Variants in GPC5 observed in about 807,000 individuals in gnomAD.
GPC5 encodes glypican-5.
In GPC5, 47 loss-of-function variants were observed where a neutral mutation model predicts 53.9. The observed-to-expected ratio is 0.87, with a 90% CI of 0.69 to 1.11. GPC5 has a LOEUF of 1.11. GPC5 is among the 50% of genes most tolerant of loss of function. The pLI, the probability that GPC5 is intolerant of heterozygous loss-of-function variation, is 0.00. For missense variants in GPC5, 748 were observed against 713.1 expected (o/e 1.05, Z -0.56); for synonymous variants, 286 against 263.3 (o/e 1.09, Z -0.84).
intron 2 of GPC5, among the ~76,000 whole-genome samples, chr13:91,617,027 C>A (rs2033714689): frequency 6.6e-6 from 1 of 152,112 alleles, no homozygotes; most frequent in Non-Finnish European, 1.5e-5. Context: ...ACAGTCAAGT[C>A]AGATCAACTG....
chr13:92,265,206 A>G (rs1216043747), intron 7 of GPC5, among the ~76,000 whole-genome samples: 2 of 152,076 alleles, frequency 1.3e-5, no homozygotes, highest in Non-Finnish European at 2.9e-5. Context: ...AAAATTCTTT[A>G]TATGGCCAGG....
At chr13:91,953,830 A>G (rs529965847) in intron 6 of GPC5, among the ~76,000 whole-genome samples, 1 of 152,296 alleles carries the variant, frequency 6.6e-6, no homozygotes. Context: ...AACCACAATT[A>G]TAAGAGCTCT....
chr13:91,413,198 C>T (rs769678298), intron 1 of GPC5, among the ~76,000 whole-genome samples: 3 of 152,132 alleles, frequency 2.0e-5, no homozygotes, highest in Non-Finnish European at 2.9e-5. Context: ...GGAGGATAGC[C>T]TGAGCCCAGG....
intron 7 of GPC5, among the ~76,000 whole-genome samples, chr13:92,843,729 G>C (rs568233468): frequency 1.3e-5 from 2 of 152,098 alleles, no homozygotes; most frequent in Admixed American, 6.6e-5. Flanking sequence ...GCATGACATT[G>C]TCTTTGTCCT....
chr13:92,685,545 T>TTTTTTTTTTTTTAA (rs1555302910), intron 7 of GPC5, among the ~76,000 whole-genome samples: 54 of 14,986 alleles, frequency 3.6e-3, no homozygotes, highest in East Asian at 0.034. Flanking sequence ...ATTATGCTCA[T>TTTTTTTTTTTTTAA]TTTTTTTTTT....
chr13:91,639,666 T>C (rs374259602), intron 2 of GPC5, among the ~76,000 whole-genome samples: 112 of 142,918 alleles, frequency 7.8e-4, no homozygotes, highest in African/African-American at 2.8e-3. Context: ...TAAAATAGAG[T>C]CATTCTGACG....
intron 5 of GPC5, among the ~76,000 whole-genome samples, chr13:91,791,076 T>A (rs1361315368): frequency 6.6e-6 from 1 of 152,234 alleles, no homozygotes; most frequent in East Asian, 1.9e-4. Flanking sequence ...CACAAGGTAC[T>A]CACTTCTTGG....
intron 7 of GPC5, among the ~76,000 whole-genome samples, chr13:92,471,182 G>C (rs1878896963): frequency 6.6e-6 from 1 of 152,142 alleles, no homozygotes; most frequent in African/African-American, 2.4e-5. Flanking sequence ...GGGAGGGTCA[G>C]AAACAGGTAC....
At chr13:92,424,442 C>G (rs930243908) in intron 7 of GPC5, among the ~76,000 whole-genome samples, 1 of 151,890 alleles carries the variant, frequency 6.6e-6, no homozygotes, top group East Asian at 1.9e-4. Context: ...TTTTTTAACT[C>G]ATTAAAAAAG....
At chr13:92,364,296 T>G (rs2043591061) in intron 7 of GPC5, among the ~76,000 whole-genome samples, 1 of 151,740 alleles carries the variant, frequency 6.6e-6, no homozygotes, top group Non-Finnish European at 1.5e-5. Context: ...CAATGGCAAT[T>G]GAATTATTTC....
At chr13:92,500,947 A>G (rs1880160637) in intron 7 of GPC5, among the ~76,000 whole-genome samples, 1 of 152,180 alleles carries the variant, frequency 6.6e-6, no homozygotes, top group South Asian at 2.1e-4. Flanking sequence ...AAACCTAGTC[A>G]AATCTAGTGG....
chr13:92,347,892 T>A lies in GPC5; in HGVS notation c.1561+202903T>A, dbSNP rs12865841. ...TATATATAATATATATTATATATAT[T>A]ATATATATAATATATATATAATATA... On this transcript the variant is annotated intron_variant, in intron 7 of 7. Coordinates refer to ENST00000377067, the MANE Select transcript of GPC5 (RefSeq NM_004466.6). 7.6e-3 allele frequency among the ~76,000 whole-genome samples: 101 copies of A among 13,354 alleles called. 4 individuals carry two copies. The highest frequency in any genetic ancestry group is 0.014 in the African/African-American group (16 of 1,128). 8.8% of individuals were successfully genotyped at this position (13,354 alleles called of 152,430 possible). A position where few individuals can be genotyped will look rare whatever the true frequency, so the allele number is the denominator to read the frequency against.
intron 5 of GPC5, among the ~76,000 whole-genome samples, chr13:91,825,988 G>C (rs971584156): frequency 5.9e-5 from 9 of 152,182 alleles, no homozygotes; most frequent in Admixed American, 3.9e-4. Flanking sequence ...TCTAGCTGCT[G>C]TCCACCACCA....
intron 5 of GPC5, among the ~76,000 whole-genome samples, chr13:91,834,208 A>C (rs1422642504): frequency 6.6e-6 from 1 of 152,198 alleles, no homozygotes; most frequent in Non-Finnish European, 1.5e-5. Context: ...GGAACTCTTC[A>C]AGGAGAATTA....
chr13:92,361,408 AG>A (rs1377175629), intron 7 of GPC5, among the ~76,000 whole-genome samples: 1 of 151,746 alleles, frequency 6.6e-6, no homozygotes, highest in Non-Finnish European at 1.5e-5. Flanking sequence ...AAAGTTAAAA[AG>A]GTAGTTAAAT....
At chr13:92,309,345 C>T (rs1201978420) in intron 7 of GPC5, among the ~76,000 whole-genome samples, 1 of 152,036 alleles carries the variant, frequency 6.6e-6, no homozygotes, top group Non-Finnish European at 1.5e-5. Context: ...TTTCACACAT[C>T]TGACTAGAGG....
chr13:91,724,878 A>C (rs1180357067), intron 3 of GPC5, among the ~76,000 whole-genome samples: 1 of 152,182 alleles, frequency 6.6e-6, no homozygotes, highest in Admixed American at 6.5e-5. Context: ...AAAGAAAACA[A>C]AAACAAAAAG....
chr13:92,626,250 G>C (rs1442234753), intron 7 of GPC5, among the ~76,000 whole-genome samples: 1 of 152,094 alleles, frequency 6.6e-6, no homozygotes, highest in Admixed American at 6.5e-5. Flanking sequence ...AAAATATTAG[G>C]TTTGAAGGGG....
chr13:91,639,269 A>T (rs1199256097), intron 2 of GPC5, among the ~76,000 whole-genome samples: 1 of 152,218 alleles, frequency 6.6e-6, no homozygotes, highest in East Asian at 1.9e-4. Context: ...TGAGAAAAAA[A>T]TAGCAGTGTG....
Sources: allele counts gnomAD v4.1 joint callset (sites outside exome capture counted in the v4.1 genomes callset), GRCh38; gene constraint gnomAD v4.1.1; transcripts MANE v1.5; gene names NCBI Gene and HGNC (gene_info 2026-07-23, HGNC 2026-07-21).